Variants in PEAK1 observed in about 807,000 individuals in gnomAD.
PEAK1 encodes inactive tyrosine-protein kinase PEAK1.
Under a neutral mutation model 124.7 loss-of-function variants are expected in PEAK1, and 54 were observed. The observed-to-expected ratio is 0.43, with a 90% CI of 0.35 to 0.54. PEAK1 has a LOEUF of 0.54. Ranked by LOEUF, PEAK1 falls within the 20% of genes least tolerant of loss-of-function variation. PEAK1 has a pLI of 0.01. For missense variants in PEAK1, 2,046 were observed against 2,134.5 expected, an observed-to-expected ratio of 0.96 and a Z score of 0.82; for synonymous variants, 719 against 760.0, an observed-to-expected ratio of 0.95 and a Z score of 0.89.
intron 1 of PEAK1, among the ~76,000 whole-genome samples, chr15:77,394,182 T>C (rs890113828): frequency 6.6e-6 from 1 of 152,220 alleles, no homozygotes; most frequent in Non-Finnish European, 1.5e-5. Context: ...TCTCTGGACC[T>C]ACCCAGGGCT....
intron 7 of PEAK1, among the ~76,000 whole-genome samples, chr15:77,174,561 C>T (rs12910235): frequency 0.084 from 12,833 of 152,170 alleles, 621 homozygotes; most frequent in Non-Finnish European, 0.1. Flanking sequence ...CATATTCATG[C>T]TTTAAACTTT....
At chr15:77,406,904 T>C (rs1445456092) in intron 1 of PEAK1, among the ~76,000 whole-genome samples, 2 of 152,154 alleles carry the variant, frequency 1.3e-5, no homozygotes, top group East Asian at 1.9e-4. Context: ...CAAAACAGCC[T>C]GGTACTGGTG....
At chr15:77,324,412 C>T (rs1238042888) in intron 2 of PEAK1, among the ~76,000 whole-genome samples, 3 of 151,992 alleles carry the variant, frequency 2.0e-5, no homozygotes, top group African/African-American at 4.8e-5. Flanking sequence ...ATCCAGAAGG[C>T]GGAGGCTGCT....
At position 77,122,086 on chromosome 15, in the gene PEAK1, C is replaced by CCA. The variant is rs1159716710; in HGVS notation, c.4078-6769_4078-6768dup. ...ATACTTGCTGCTACAGAGCTAAGACCCACACACACTCAATGCTGTTACAAC... is the reference window on the plus strand; with the variant it reads ...ATACTTGCTGCTACAGAGCTAAGACCCACACACACACTCAATGCTGTTACAAC... On this transcript the variant is annotated intron_variant, in intron 9 of 9. Transcript: ENST00000682557. 2.6e-5 allele frequency among the ~76,000 whole-genome samples: 4 copies of CCA among 152,196 alleles called. No individual in the cohort carries two copies. The East Asian group carries it at 7.7e-4, about 29-fold the overall frequency.
chr15:77,155,881 C>T (rs2055085903), intron 8 of PEAK1: 2 of 153,778 alleles, frequency 1.3e-5, no homozygotes, highest in Admixed American at 6.5e-5. Context: ...CAGAGGAGTA[C>T]TCGGCCATGT....
intron 6 of PEAK1, among the ~76,000 whole-genome samples, chr15:77,230,949 T>C (rs1048162748): frequency 3.9e-5 from 6 of 152,134 alleles, no homozygotes; most frequent in African/African-American, 1.4e-4. Context: ...AATTAGGGGA[T>C]AATATACACA....
intron 8 of PEAK1, among the ~76,000 whole-genome samples, chr15:77,134,243 A>T (rs2053128180): frequency 2.0e-5 from 3 of 152,218 alleles, no homozygotes; most frequent in Admixed American, 6.5e-5. Flanking sequence ...TGTTCTTTTT[A>T]TTCCAAAGTT....
At chr15:77,126,424 G>A (rs1033900060) in intron 9 of PEAK1, among the ~76,000 whole-genome samples, 1 of 151,908 alleles carries the variant, frequency 6.6e-6, no homozygotes, top group Non-Finnish European at 1.5e-5. Context: ...TAATTTTAAG[G>A]AAAAACAAAG....
rs1402287149 is a variant in PEAK1 at position 77,158,628 on chromosome 15, T to C, written c.3206A>G (p.Asp1069Gly). ...TGTGACTGAAGTGCAGCCCCTGCCA[T>C]CTTGCTTCCCAACAACAGTTCTTGG... Reference protein sequence around the residue: ...RDPRTVVGKQDGRGCTSVTTA... With the variant: ...RDPRTVVGKQGGRGCTSVTTA... Residue 1069 changes from aspartate to glycine, a missense_variant, in exon 8 of 10, where the codon GAT (aspartate) becomes GGT (glycine). Asp to Gly is a moderately conservative substitution (Grantham distance 94). Coordinates refer to ENST00000682557, the MANE Select transcript of PEAK1 (RefSeq NM_001385026.1). The C allele has an allele frequency of 6.2e-7, 1 of 1,614,176 alleles. No homozygotes were observed. Among genetic ancestry groups the C allele is most frequent in the Non-Finnish European group, 8.5e-7 (1 of 1,179,994 alleles).
chr15:77,361,337 G>A (rs2067872675), intron 2 of PEAK1, among the ~76,000 whole-genome samples: 2 of 152,174 alleles, frequency 1.3e-5, no homozygotes, highest in Admixed American at 1.3e-4. Context: ...CTACTTAGGA[G>A]GCTGAGGCAG....
chr15:77,278,569 A>G (rs1357482592), intron 5 of PEAK1: 5 of 498,768 alleles, frequency 1.0e-5, no homozygotes, highest in Admixed American at 2.1e-5. Flanking sequence ...CTGCTCCTCC[A>G]AAGCCAGAGA....
intron 6 of PEAK1, among the ~76,000 whole-genome samples, chr15:77,229,071 T>A (rs2059796910): frequency 6.6e-6 from 1 of 152,112 alleles, no homozygotes. Context: ...ACTTCCCCAT[T>A]CTGAACCAGG....
chr15:77,215,904 T>C (rs961228591), intron 6 of PEAK1, among the ~76,000 whole-genome samples: 5 of 91,516 alleles, frequency 5.5e-5, no homozygotes, highest in Non-Finnish European at 8.7e-5. Flanking sequence ...TTTTGAGATA[T>C]ATTTTATATT....
rs1160896179 is a variant in PEAK1, at chr15:77,247,470, TTTTTCTTTTCTTTTC to T, written c.-115+4882_-115+4896del. Among the ~76,000 whole-genome samples, 72 of 137,884 alleles carry T rather than the reference TTTTTCTTTTCTTTTC, an allele frequency of 5.2e-4. No individual in the cohort carries two copies. In the East Asian group the frequency reaches 0.013, roughly 24 times the overall value. The allele number at this position is 137,884 out of a possible 152,430, so 90.5% of individuals were successfully genotyped here. The stretch of plus-strand genomic sequence containing the variant: ...GGGGTTTTTAATTTTTTTTTTCTCT[TTTTTCTTTTCTTTTC>T]TTTTTTTTTTTTTTTTTTTTTGAGA... On this transcript the variant is annotated intron_variant, in intron 6 of 9. Coordinates refer to ENST00000682557, the MANE Select transcript of PEAK1 (RefSeq NM_001385026.1).
intron 8 of PEAK1, chr15:77,156,817 G>A (rs1172930630): frequency 6.6e-6 from 1 of 152,138 alleles, no homozygotes; most frequent in Non-Finnish European, 1.5e-5. Flanking sequence ...TGCTGTCTGA[G>A]GGTATACAGT....
chr15:77,134,379 TAA>T (rs1477958939), intron 8 of PEAK1, among the ~76,000 whole-genome samples: 1 of 152,250 alleles, frequency 6.6e-6, no homozygotes, highest in Non-Finnish European at 1.5e-5. Flanking sequence ...CTGGTCTACG[TAA>T]AAGATTCCTG....
chr15:77,150,053 T>A (rs537845574), intron 8 of PEAK1, among the ~76,000 whole-genome samples: 1 of 152,246 alleles, frequency 6.6e-6, no homozygotes, highest in East Asian at 1.9e-4. Context: ...CCTGGCAGCA[T>A]CACATACTTT....
intron 1 of PEAK1, among the ~76,000 whole-genome samples, chr15:77,383,429 G>A (rs988555446): frequency 1.3e-5 from 2 of 152,150 alleles, no homozygotes; most frequent in African/African-American, 2.4e-5. Context: ...CTGACTCCAC[G>A]TTCCTTTTTG....
In PEAK1 at chr15:77,366,398, T is replaced by A. The variant is rs188583136; in HGVS notation, c.-665-1173A>T. Among the ~76,000 whole-genome samples the A allele has an allele frequency of 3.9e-4, 60 of 152,266 alleles. 1 individual carries two copies. The East Asian group carries it at 9.4e-3, about 24-fold the overall frequency. On this transcript the variant is annotated intron_variant, in intron 1 of 9. Coordinates refer to ENST00000682557, the MANE Select transcript of PEAK1 (RefSeq NM_001385026.1). ...AATAAACTTTGTTGTATTATGCAAC[T>A]GAGATTTTTAGGACTGTTTGTTACT...
Sources: allele counts gnomAD v4.1 joint callset (sites outside exome capture counted in the v4.1 genomes callset), GRCh38; gene constraint gnomAD v4.1.1; transcripts MANE v1.5; gene names NCBI Gene and HGNC (gene_info 2026-07-23, HGNC 2026-07-21).